SCHIP1: variants seen among roughly 807,000 people sequenced by gnomAD.
The protein encoded by SCHIP1 is schwannomin-interacting protein 1.
A neutral mutation model predicts 29.7 loss-of-function variants in SCHIP1; 8 were observed. That is an observed-to-expected ratio of 0.27 (90% CI 0.16 to 0.49). The LOEUF (loss-of-function observed/expected upper bound fraction) is 0.49, where lower values mean the gene tolerates loss of function less well. Ranked by LOEUF, SCHIP1 falls within the 20% of genes least tolerant of loss-of-function variation. SCHIP1 has a pLI of 0.99. For synonymous variants in SCHIP1, 76 were observed against 94.9 expected, an observed-to-expected ratio of 0.80 and a Z score of 1.16; for missense variants, 193 against 294.6, an observed-to-expected ratio of 0.66 and a Z score of 2.52.
At chr3:159,550,011 C>A in the SCHIP1 span, among the ~76,000 whole-genome samples, 1 of 135,284 alleles carries the variant, frequency 7.4e-6, no homozygotes. Flanking sequence ...TTTGTTTATT[C>A]TCTCCACTGT....
chr3:159,356,690 A>T, the SCHIP1 span, among the ~76,000 whole-genome samples: 3 of 152,220 alleles, frequency 2.0e-5, no homozygotes, highest in South Asian at 4.1e-4. Flanking sequence ...GGTCTGAAAG[A>T]GTTAAGCATC....
chr3:159,475,602 A>G, the SCHIP1 span, among the ~76,000 whole-genome samples: 58 of 152,314 alleles, frequency 3.8e-4, no homozygotes, highest in African/African-American at 1.4e-3. Context: ...CAATAAAAGT[A>G]AAGGCTTGGT....
At chr3:159,515,624 C>T in the SCHIP1 span, among the ~76,000 whole-genome samples, 1 of 152,124 alleles carries the variant, frequency 6.6e-6, no homozygotes, top group Admixed American at 6.5e-5. Flanking sequence ...TGAAAAAATT[C>T]TTGTTTATCA....
chr3:159,395,293 G>C, the SCHIP1 span, among the ~76,000 whole-genome samples: 1 of 151,504 alleles, frequency 6.6e-6, no homozygotes, highest in Non-Finnish European at 1.5e-5. Context: ...TTAATTTTTT[G>C]AAGGGTTTTT....
the SCHIP1 span, among the ~76,000 whole-genome samples, chr3:159,723,601 A>T: frequency 0.026 from 3,895 of 152,266 alleles, 172 homozygotes; most frequent in African/African-American, 0.09. Context: ...ATCATTTTAG[A>T]TAGGCTATGT....
At chr3:159,892,136 A>G in exon 6 of SCHIP1, 1 of 1,614,156 alleles carries the variant, frequency 6.2e-7, no homozygotes, top group Non-Finnish European at 8.5e-7. Context: ...CTCATCCGAG[A>G]TGAGCTGCAC....
At chr3:159,529,430 C>A in the SCHIP1 span, among the ~76,000 whole-genome samples, 4,474 of 152,216 alleles carry the variant, frequency 0.029, 228 homozygotes, top group African/African-American at 0.1. Flanking sequence ...AACTACTCAC[C>A]TTTGCTGGCT....
the SCHIP1 span, among the ~76,000 whole-genome samples, chr3:159,463,749 T>TATAC: frequency 6.6e-6 from 1 of 151,680 alleles, no homozygotes; most frequent in South Asian, 2.1e-4. Flanking sequence ...GAGATATATA[T>TATAC]ATATATATAA....
chr3:159,431,888 A>G, the SCHIP1 span, among the ~76,000 whole-genome samples: 2 of 151,770 alleles, frequency 1.3e-5, no homozygotes, highest in Non-Finnish European at 2.9e-5. Flanking sequence ...GGGCATTACT[A>G]TTGCTGATGG....
the SCHIP1 span, among the ~76,000 whole-genome samples, chr3:159,626,215 TAG>T: frequency 0.015 from 1,726 of 115,098 alleles, 187 homozygotes; most frequent in African/African-American, 0.093. Context: ...TAGATATATC[TAG>T]ATATATATAT....
At chr3:159,685,686 T>A in the SCHIP1 span, among the ~76,000 whole-genome samples, 1 of 152,214 alleles carries the variant, frequency 6.6e-6, no homozygotes, top group Non-Finnish European at 1.5e-5. Flanking sequence ...TCCTTCTTCC[T>A]TTTCTTGAGT....
At chr3:159,457,390 G>A in the SCHIP1 span, among the ~76,000 whole-genome samples, 3 of 141,880 alleles carry the variant, frequency 2.1e-5, no homozygotes, top group Non-Finnish European at 4.5e-5. Flanking sequence ...TGCTTGTGCT[G>A]TTTCTGTTTT....
At chr3:159,341,137 C>T in the SCHIP1 span, among the ~76,000 whole-genome samples, 2 of 152,062 alleles carry the variant, frequency 1.3e-5, no homozygotes, top group African/African-American at 4.8e-5. Flanking sequence ...GGAGTGTTTT[C>T]TTTGCTATCT....
the SCHIP1 span, among the ~76,000 whole-genome samples, chr3:159,730,041 T>C: frequency 6.6e-6 from 1 of 152,258 alleles, no homozygotes; most frequent in Non-Finnish European, 1.5e-5. Context: ...ATGAAATAAA[T>C]GGCATCATAA....
At chr3:159,313,887 A>G in the SCHIP1 span, among the ~76,000 whole-genome samples, 2 of 152,094 alleles carry the variant, frequency 1.3e-5, no homozygotes, top group African/African-American at 4.8e-5. Flanking sequence ...ATGTCCCACA[A>G]TTTTGGTTTG....
chr3:159,328,952 G>C, the SCHIP1 span, among the ~76,000 whole-genome samples: 4 of 152,294 alleles, frequency 2.6e-5, no homozygotes, highest in South Asian at 8.3e-4. Flanking sequence ...TCATAGGAAT[G>C]ATATGTGGAT....
the SCHIP1 span, among the ~76,000 whole-genome samples, chr3:159,287,520 T>C: frequency 6.6e-6 from 1 of 152,016 alleles, no homozygotes; most frequent in Admixed American, 6.6e-5. Context: ...AGTTTTTATT[T>C]TTATATTATT....
the SCHIP1 span, among the ~76,000 whole-genome samples, chr3:159,780,016 C>T: frequency 7.2e-5 from 11 of 152,180 alleles, no homozygotes; most frequent in African/African-American, 2.7e-4. Context: ...GTTACCCTTC[C>T]TAAGAGCTCC....
At chr3:159,339,241 A>G in the SCHIP1 span, among the ~76,000 whole-genome samples, 2 of 148,450 alleles carry the variant, frequency 1.3e-5, no homozygotes, top group African/African-American at 5.1e-5. Flanking sequence ...TGCCAAGCAT[A>G]ACATCATTAG....
Sources: allele counts gnomAD v4.1 joint callset (sites outside exome capture counted in the v4.1 genomes callset), GRCh38; gene constraint gnomAD v4.1.1; transcripts MANE v1.5; gene names NCBI Gene and HGNC (gene_info 2026-07-23, HGNC 2026-07-21).